Variants in PTN observed in about 807,000 individuals in gnomAD.
PTN encodes pleiotrophin.
PTN carries 18 observed loss-of-function variants against 24.1 expected under a neutral mutation model. That is an observed-to-expected ratio of 0.75 (90% CI 0.52 to 1.11). The LOEUF (loss-of-function observed/expected upper bound fraction) is 1.11, where lower values mean the gene tolerates loss of function less well. PTN is among the 50% of genes least tolerant of loss of function. PTN has a pLI of 0.00. For synonymous variants in PTN, 78 were observed against 68.6 expected (o/e 1.14, Z -0.67); for missense variants, 163 against 198.8 (o/e 0.82, Z 1.08).
At chr7:137,268,555 G>A (rs1461180858) in intron 1 of PTN, among the ~76,000 whole-genome samples, 1 of 152,150 alleles carries the variant, frequency 6.6e-6, no homozygotes, top group Non-Finnish European at 1.5e-5. Context: ...ACGTGATAGG[G>A]GCTGTGAGCA....
chr7:137,323,604 T>A (rs764537764), intron 1 of PTN, among the ~76,000 whole-genome samples: 12 of 152,140 alleles, frequency 7.9e-5, no homozygotes, highest in Non-Finnish European at 1.3e-4. Flanking sequence ...TTAATGTCAT[T>A]CCCTGTGAGA....
At chr7:137,252,164 A>T (rs1427968353) in intron 3 of PTN, among the ~76,000 whole-genome samples, 1 of 151,782 alleles carries the variant, frequency 6.6e-6, no homozygotes, top group East Asian at 1.9e-4. Flanking sequence ...CATATGAGGG[A>T]TCTGGTTTCT....
chr7:137,314,363 A>C (rs943773983), intron 1 of PTN, among the ~76,000 whole-genome samples: 1 of 152,188 alleles, frequency 6.6e-6, no homozygotes, highest in Non-Finnish European at 1.5e-5. Flanking sequence ...AAGACGAATA[A>C]GATCACCAAT....
At chr7:137,290,763 A>G (rs1809626882) in intron 1 of PTN, among the ~76,000 whole-genome samples, 1 of 152,184 alleles carries the variant, frequency 6.6e-6, no homozygotes, top group South Asian at 2.1e-4. Context: ...GACTTCCCTT[A>G]AAACCACATT....
At chr7:137,239,244 G>T (rs1011102053) in intron 4 of PTN, among the ~76,000 whole-genome samples, 1 of 152,158 alleles carries the variant, frequency 6.6e-6, no homozygotes. Flanking sequence ...CATTTTTGAA[G>T]CCAGTGTGAA....
chr7:137,263,951 A>G lies in PTN; in HGVS notation c.-1-8977T>C, dbSNP rs574353167. ...CTGTGTGTTTTGAACTCCACCACGT[A>G]ACTGTTTTTGTGGTACTATTACACA... On this transcript the variant is annotated intron_variant, in intron 1 of 4. Coordinates refer to ENST00000348225, the MANE Select transcript of PTN (RefSeq NM_002825.7). Among the ~76,000 whole-genome samples, 42 of 152,212 alleles carry G rather than the reference A, an allele frequency of 2.8e-4. 1 individual carries two copies. The highest frequency in any genetic ancestry group is 5.8e-4 in the East Asian group (3 of 5,192).
chr7:137,332,934 C>T (rs1326114513), intron 1 of PTN, among the ~76,000 whole-genome samples: 4 of 152,182 alleles, frequency 2.6e-5, no homozygotes, highest in Non-Finnish European at 5.9e-5. Flanking sequence ...AAACACTGTT[C>T]TAAAGTTTTA....
chr7:137,275,789 A>ATT (rs1163458932), intron 1 of PTN, among the ~76,000 whole-genome samples: 4 of 152,202 alleles, frequency 2.6e-5, no homozygotes, highest in African/African-American at 9.6e-5. Context: ...AAGAAACCAC[A>ATT]TTTAAAAATG....
intron 1 of PTN, among the ~76,000 whole-genome samples, chr7:137,256,447 G>A (rs756496577): frequency 5.9e-5 from 9 of 152,128 alleles, no homozygotes; most frequent in Admixed American, 5.2e-4. Context: ...TTAGTTTGCT[G>A]TGGATGATGG....
rs1161141413 is a variant in PTN, at chr7:137,343,430, C to A, written c.-2+9G>T. 2.0e-6 allele frequency: 1 copy of A among 511,558 alleles called. No homozygotes were observed. Among genetic ancestry groups the A allele is most frequent in the East Asian group, 5.5e-5 (1 of 18,086 alleles). The allele number at this position is 511,558 out of a possible 1,614,324, so 31.7% of individuals were successfully genotyped here. On this transcript the variant is annotated intron_variant, in intron 1 of 4. Transcript: ENST00000348225. ...GCCCTCCGAGAAATCGTACGTTCCT[C>A]TCACTTACTTTGAGTTGGAAACGTC...
At chr7:137,251,660 A>G (rs1808829965) in intron 3 of PTN, among the ~76,000 whole-genome samples, 1 of 149,072 alleles carries the variant, frequency 6.7e-6, no homozygotes, top group Admixed American at 6.6e-5. Context: ...ACAGTGGGTC[A>G]TTCTTTATAG....
At chr7:137,233,718 T>C (rs969399417) in intron 4 of PTN, among the ~76,000 whole-genome samples, 3 of 151,728 alleles carry the variant, frequency 2.0e-5, no homozygotes, top group Non-Finnish European at 4.4e-5. Flanking sequence ...TTGTGAAAAA[T>C]AGAGCAGCCA....
At chr7:137,307,797 A>G (rs868026279) in intron 1 of PTN, among the ~76,000 whole-genome samples, 8 of 152,154 alleles carry the variant, frequency 5.3e-5, no homozygotes, top group African/African-American at 1.9e-4. Context: ...CAGACGAAGT[A>G]ATTTGCCCAA....
rs949194726 is a variant in PTN at position 137,291,496 on chromosome 7, T to C, written c.-1-36522A>G. Among the ~76,000 whole-genome samples, 3 of 152,132 alleles carry C rather than the reference T, an allele frequency of 2.0e-5. No individual in the cohort carries two copies. In the South Asian group the frequency reaches 6.2e-4, roughly 32 times the overall value. ...CTCACATCTTCATCAAATCACTCTT[T>C]GTTCACATGAAGGCAGCTGGGCACC... On this transcript the variant is annotated intron_variant, in intron 1 of 4. Transcript: ENST00000348225.
chr7:137,308,312 A>C (rs1809922158), intron 1 of PTN, among the ~76,000 whole-genome samples: 2 of 152,082 alleles, frequency 1.3e-5, no homozygotes, highest in Admixed American at 1.3e-4. Context: ...CCAAAGGAAG[A>C]AAGGTTATAG....
chr7:137,292,683 T>C (rs1449251294), intron 1 of PTN, among the ~76,000 whole-genome samples: 1 of 152,198 alleles, frequency 6.6e-6, no homozygotes, highest in Non-Finnish European at 1.5e-5. Context: ...TGTAAATGGC[T>C]GCTATACTGT....
At chr7:137,256,103 T>C (rs1007387636) in intron 1 of PTN, among the ~76,000 whole-genome samples, 1 of 152,228 alleles carries the variant, frequency 6.6e-6, no homozygotes, top group African/African-American at 2.4e-5. Flanking sequence ...CATTGAAAAA[T>C]ATCTGAGATG....
At chr7:137,335,927 G>A (rs1395623719) in intron 1 of PTN, among the ~76,000 whole-genome samples, 9 of 118,128 alleles carry the variant, frequency 7.6e-5, no homozygotes, top group Non-Finnish European at 1.3e-4. Context: ...ATGTCTTCTC[G>A]CTTTTTTTTT....
intron 1 of PTN, among the ~76,000 whole-genome samples, chr7:137,282,829 A>T (rs2128876236): frequency 6.6e-6 from 1 of 152,314 alleles, no homozygotes; most frequent in African/African-American, 2.4e-5. Context: ...CCAAAAGCAA[A>T]ATCGCAAATA....
Sources: allele counts gnomAD v4.1 joint callset (sites outside exome capture counted in the v4.1 genomes callset), GRCh38; gene constraint gnomAD v4.1.1; transcripts MANE v1.5; gene names NCBI Gene and HGNC (gene_info 2026-07-23, HGNC 2026-07-21).